ZNG1C: variants seen among roughly 807,000 people sequenced by gnomAD.
ZNG1C encodes the protein Zn regulated GTPase metalloprotein activator 1C, also known as zinc-regulated GTPase metalloprotein activator 1C.
At chr9:68,296,552 T>C in the ZNG1C span, among the ~76,000 whole-genome samples, 1 of 152,290 alleles carries the variant, frequency 6.6e-6, no homozygotes, top group Non-Finnish European at 1.5e-5. Flanking sequence ...TTGGTCTTTT[T>C]GTATTTTCTG....
At chr9:68,260,393 A>T in the ZNG1C span, among the ~76,000 whole-genome samples, 61 of 151,162 alleles carry the variant, frequency 4.0e-4, no homozygotes, top group African/African-American at 1.4e-3. Flanking sequence ...CGGAGGCCAA[A>T]AAAACAAAGC....
At chr9:68,283,627 CTT>C in the ZNG1C span, among the ~76,000 whole-genome samples, 1 of 31,664 alleles carries the variant, frequency 3.2e-5, no homozygotes, top group African/African-American at 7.8e-5. Context: ...ATTTGCCTTT[CTT>C]TTTTTTTTTT....
the ZNG1C span, chr9:68,257,028 GTTT>G: frequency 6.7e-5 from 6 of 90,222 alleles, no homozygotes; most frequent in African/African-American, 3.3e-4. Context: ...TTTTTTTTTT[GTTT>G]TTTTTTTTTT....
chr9:68,274,376 T>C, the ZNG1C span: 4 of 163,598 alleles, frequency 2.4e-5, no homozygotes, highest in Non-Finnish European at 4.0e-5. Flanking sequence ...AGCCCCATTC[T>C]GAATGAATGA....
the ZNG1C span, among the ~76,000 whole-genome samples, chr9:68,261,472 G>A: frequency 7.1e-6 from 1 of 141,260 alleles, no homozygotes. Context: ...ATATATTTAA[G>A]GTATACAGTG....
At chr9:68,256,373 CTAAA>C in the ZNG1C span, among the ~76,000 whole-genome samples, 1 of 144,152 alleles carries the variant, frequency 6.9e-6, no homozygotes, top group South Asian at 2.3e-4. Context: ...TTATACAGTC[CTAAA>C]TAAATAGTGT....
At chr9:68,257,550 A>G in the ZNG1C span, among the ~76,000 whole-genome samples, 1 of 101,290 alleles carries the variant, frequency 9.9e-6, no homozygotes, top group East Asian at 2.1e-4. Flanking sequence ...AAAAAAAAAA[A>G]TGCTTTGTAG....
the ZNG1C span, among the ~76,000 whole-genome samples, chr9:68,292,013 C>A: frequency 6.6e-6 from 1 of 151,578 alleles, no homozygotes. Flanking sequence ...CGACTCTGTG[C>A]AGACTACCCC....
the ZNG1C span, among the ~76,000 whole-genome samples, chr9:68,281,151 C>G: frequency 6.6e-6 from 1 of 150,870 alleles, no homozygotes. Context: ...ACTCCCTGAC[C>G]CCCTGTGCTT....
the ZNG1C span, among the ~76,000 whole-genome samples, chr9:68,276,497 G>C: frequency 1.4e-5 from 2 of 143,770 alleles, no homozygotes; most frequent in African/African-American, 5.2e-5. Flanking sequence ...TGTAAGGAAG[G>C]GATCCAGTTT....
At chr9:68,274,134 G>T in the ZNG1C span, 1 of 151,370 alleles carries the variant, frequency 6.6e-6, no homozygotes, top group Non-Finnish European at 1.5e-5. Flanking sequence ...GAGCCACCGC[G>T]CCCAGCCTGT....
chr9:68,265,043 A>ATTTATTTTAT, the ZNG1C span, among the ~76,000 whole-genome samples: 14 of 98,030 alleles, frequency 1.4e-4, no homozygotes, highest in African/African-American at 5.0e-4. Context: ...TTTTTATTTT[A>ATTTATTTTAT]TTTATTTTAT....
At chr9:68,249,051 A>T in the ZNG1C span, 5 of 532,450 alleles carry the variant, frequency 9.4e-6, no homozygotes, top group South Asian at 1.1e-4. Context: ...CTCGTTTGTC[A>T]TTTTCTTTGG....
At chr9:68,257,849 A>T in the ZNG1C span, among the ~76,000 whole-genome samples, 1 of 136,318 alleles carries the variant, frequency 7.3e-6, no homozygotes, top group Non-Finnish European at 1.6e-5. Flanking sequence ...CTTTTTCAAA[A>T]GTAATAATCA....
At chr9:68,244,150 G>GTTT in the ZNG1C span, among the ~76,000 whole-genome samples, 1 of 44,682 alleles carries the variant, frequency 2.2e-5, no homozygotes, top group South Asian at 5.8e-4. Context: ...GTCTTAAAGT[G>GTTT]TTTTTTTTTT....
chr9:68,281,182 G>C, the ZNG1C span, among the ~76,000 whole-genome samples: 1 of 151,984 alleles, frequency 6.6e-6, no homozygotes, highest in Admixed American at 6.6e-5. Flanking sequence ...ACAATGCCTC[G>C]CCCTGCTTTG....
the ZNG1C span, among the ~76,000 whole-genome samples, chr9:68,290,654 T>C: frequency 7.7e-6 from 1 of 129,784 alleles, no homozygotes; most frequent in Admixed American, 8.1e-5. Flanking sequence ...GTTTTCCAAC[T>C]TGCATTAAAA....
the ZNG1C span, among the ~76,000 whole-genome samples, chr9:68,282,856 G>T: frequency 8.7e-6 from 1 of 114,660 alleles, no homozygotes; most frequent in African/African-American, 3.2e-5. Context: ...AGGTATTTTT[G>T]GAGTACCTGG....
chr9:68,247,201 C>A, the ZNG1C span, among the ~76,000 whole-genome samples: 1 of 152,008 alleles, frequency 6.6e-6, no homozygotes, highest in African/African-American at 2.4e-5. Flanking sequence ...CTAACAGAAA[C>A]AATTTAGAAG....
Sources: gnomAD v4.1 joint callset for allele counts (sites outside exome capture counted in the v4.1 genomes callset) on GRCh38, gnomAD v4.1.1 for gene constraint, MANE v1.5 for transcripts, NCBI Gene and HGNC (gene_info 2026-07-23, HGNC 2026-07-21) for gene names.